CTNNA3: variants seen among roughly 807,000 people sequenced by gnomAD.
CTNNA3 encodes the protein catenin alpha 3, also known as catenin alpha-3.
In CTNNA3, 76 loss-of-function variants were observed where a neutral mutation model predicts 95.7. The observed-to-expected ratio is 0.79, with a 90% CI of 0.66 to 0.96. CTNNA3 has a LOEUF of 0.96. CTNNA3 is among the 40% of genes least tolerant of loss of function. CTNNA3 has a pLI of 0.00. For synonymous variants in CTNNA3, 431 were observed against 374.4 expected, an observed-to-expected ratio of 1.15 and a Z score of -1.74; for missense variants, 1,191 against 1,089.8, an observed-to-expected ratio of 1.09 and a Z score of -1.31.
intron 12 of CTNNA3, among the ~76,000 whole-genome samples, chr10:66,287,555 T>C (rs954513783): frequency 6.6e-6 from 1 of 151,962 alleles, no homozygotes; most frequent in Non-Finnish European, 1.5e-5. Context: ...CACAAAACAT[T>C]GCAGGACACT....
chr10:67,116,665 C>A (rs963621750), intron 7 of CTNNA3, among the ~76,000 whole-genome samples: 3 of 150,070 alleles, frequency 2.0e-5, no homozygotes, highest in Admixed American at 6.7e-5. Context: ...TTAGAACAGC[C>A]AGTTGAAATA....
intron 10 of CTNNA3, among the ~76,000 whole-genome samples, chr10:66,609,710 T>C (rs558308213): frequency 6.6e-6 from 1 of 152,006 alleles, no homozygotes; most frequent in Admixed American, 6.6e-5. Flanking sequence ...AAGACCTAAA[T>C]TCAGAAATAC....
chr10:67,532,351 G>A (rs994910034), intron 4 of CTNNA3, among the ~76,000 whole-genome samples: 3 of 152,084 alleles, frequency 2.0e-5, no homozygotes, highest in African/African-American at 7.2e-5. Context: ...ATAGAGGGTG[G>A]CCTCGGAGAG....
chr10:66,812,552 C>T (rs1322982135), intron 7 of CTNNA3, among the ~76,000 whole-genome samples: 1 of 152,090 alleles, frequency 6.6e-6, no homozygotes, highest in Non-Finnish European at 1.5e-5. Context: ...GTTATTCAAC[C>T]TTACATACCT....
chr10:67,701,532 A>G (rs2133603249), intron 1 of CTNNA3, among the ~76,000 whole-genome samples: 1 of 152,354 alleles, frequency 6.6e-6, no homozygotes, highest in South Asian at 2.1e-4. Context: ...ACTAAGCTTC[A>G]TAAGTGAAGG....
chr10:66,299,714 A>G (rs185298105), intron 12 of CTNNA3, among the ~76,000 whole-genome samples: 192 of 152,314 alleles, frequency 1.3e-3, no homozygotes, highest in Non-Finnish European at 2.2e-3. Flanking sequence ...AATGAAACAC[A>G]AAGAATAACA....
chr10:67,446,511 A>T (rs1846754233), intron 5 of CTNNA3, among the ~76,000 whole-genome samples: 1 of 152,202 alleles, frequency 6.6e-6, no homozygotes, highest in Admixed American at 6.5e-5. Flanking sequence ...ATGTAAGGAC[A>T]AATACAAAAT....
Position 66,476,092 on chromosome 10 carries a change from C to A in CTNNA3, c.1531+44525G>T, listed in dbSNP as rs1342974614. ...ATGGATGGAGCTGGAAGCCATCATC[C>A]TTAGTAAACCAAGGCAGGAACAGAA... is the stretch of plus-strand genomic sequence containing the variant. On this transcript the variant is annotated intron_variant, in intron 11 of 17. Transcript: ENST00000433211. 2.6e-5 allele frequency among the ~76,000 whole-genome samples: 4 copies of A among 152,068 alleles called. No homozygotes were observed. The East Asian group carries it at 7.7e-4, about 29-fold the overall frequency.
intron 3 of CTNNA3, among the ~76,000 whole-genome samples, chr10:67,559,452 A>G (rs1411124299): frequency 6.6e-6 from 1 of 152,212 alleles, no homozygotes; most frequent in East Asian, 1.9e-4. Flanking sequence ...AGGAAAAATA[A>G]CAAACAGAAA....
At chr10:67,454,229 A>G (rs1847088679) in intron 5 of CTNNA3, among the ~76,000 whole-genome samples, 1 of 152,136 alleles carries the variant, frequency 6.6e-6, no homozygotes, top group South Asian at 2.1e-4. Flanking sequence ...GAACCAAGTG[A>G]CTTTTTAACA....
intron 5 of CTNNA3, among the ~76,000 whole-genome samples, chr10:67,419,844 T>G (rs1224096231): frequency 6.6e-6 from 1 of 150,608 alleles, no homozygotes; most frequent in Non-Finnish European, 1.5e-5. Flanking sequence ...CTAGTGTTCT[T>G]CCAGAGTTAA....
chr10:66,099,238 G>A (rs951083626), intron 14 of CTNNA3, among the ~76,000 whole-genome samples: 1 of 152,160 alleles, frequency 6.6e-6, no homozygotes, highest in Non-Finnish European at 1.5e-5. Context: ...AGCATGGCAT[G>A]AGTATTTAAA....
At chr10:67,197,920 T>C (rs1215583143) in intron 6 of CTNNA3, among the ~76,000 whole-genome samples, 1 of 152,130 alleles carries the variant, frequency 6.6e-6, no homozygotes, top group Non-Finnish European at 1.5e-5. Context: ...AGCTACATTG[T>C]CTTGGTAAGA....
At chr10:67,570,799 C>CT (rs1302968765) in intron 3 of CTNNA3, among the ~76,000 whole-genome samples, 8 of 152,160 alleles carry the variant, frequency 5.3e-5, no homozygotes, top group Admixed American at 5.2e-4. Flanking sequence ...GTCCTGGTTT[C>CT]TTTTTCACAT....
At chr10:66,838,412 A>T (rs1283422288) in intron 7 of CTNNA3, among the ~76,000 whole-genome samples, 1 of 152,138 alleles carries the variant, frequency 6.6e-6, no homozygotes, top group Non-Finnish European at 1.5e-5. Flanking sequence ...TGTCTTCTAG[A>T]AGCTAATTCT....
chr10:67,339,164 C>A (rs181552778), intron 5 of CTNNA3, among the ~76,000 whole-genome samples: 112 of 152,310 alleles, frequency 7.4e-4, no homozygotes, highest in African/African-American at 2.6e-3. Context: ...GGGCTTCTTG[C>A]AATCACTCAT....
At chr10:66,255,669 T>A (rs1453316398) in intron 13 of CTNNA3, among the ~76,000 whole-genome samples, 2 of 152,146 alleles carry the variant, frequency 1.3e-5, no homozygotes, top group African/African-American at 4.8e-5. Context: ...ATCCTCCTCA[T>A]ATACTTGCAC....
At chr10:67,566,075 A>ATATAT (rs1156404935) in intron 3 of CTNNA3, among the ~76,000 whole-genome samples, 22 of 100,106 alleles carry the variant, frequency 2.2e-4, no homozygotes, top group East Asian at 3.2e-4. Context: ...ATATATATAC[A>ATATAT]AAACCTAGGC....
chr10:66,278,770 T>G (rs1352543253), intron 13 of CTNNA3, among the ~76,000 whole-genome samples: 1 of 152,080 alleles, frequency 6.6e-6, no homozygotes, highest in African/African-American at 2.4e-5. Flanking sequence ...AAATATCCAC[T>G]CAGGAATAGT....
Sources: allele counts gnomAD v4.1 joint callset (sites outside exome capture counted in the v4.1 genomes callset), GRCh38; gene constraint gnomAD v4.1.1; transcripts MANE v1.5; gene names NCBI Gene and HGNC (gene_info 2026-07-23, HGNC 2026-07-21).